DAB1: variants seen among roughly 807,000 people sequenced by gnomAD.
DAB1 encodes the protein DAB adaptor protein 1.
DAB1 carries 15 observed loss-of-function variants against 64.6 expected under a neutral mutation model. The observed-to-expected ratio is 0.23, with a 90% confidence interval of 0.16 to 0.36. The LOEUF (loss-of-function observed/expected upper bound fraction) is 0.36. DAB1 is among the 10% of genes least tolerant of loss of function. The pLI, the probability that DAB1 is intolerant of heterozygous loss-of-function variation, is 1.00. For missense variants in DAB1, 596 were observed against 706.7 expected, an observed-to-expected ratio of 0.84 and a Z score of 1.78; for synonymous variants, 235 against 251.9, an observed-to-expected ratio of 0.93 and a Z score of 0.64.
At chr1:57,293,573 G>A (rs76380981) in intron 1 of DAB1, among the ~76,000 whole-genome samples, 3,966 of 152,194 alleles carry the variant, frequency 0.026, 172 homozygotes, top group African/African-American at 0.09. Flanking sequence ...ACTTGCTCAA[G>A]GCCACCTGGC....
At chr1:57,573,488 C>T (rs941405012) in intron 7 of DAB1, among the ~76,000 whole-genome samples, 2 of 152,206 alleles carry the variant, frequency 1.3e-5, no homozygotes, top group African/African-American at 4.8e-5. Flanking sequence ...GGAGAGCAAA[C>T]TCCCAGCACC....
intron 5 of DAB1, among the ~76,000 whole-genome samples, chr1:57,913,077 G>C (rs1221035988): frequency 6.6e-6 from 1 of 152,160 alleles, no homozygotes; most frequent in Non-Finnish European, 1.5e-5. Flanking sequence ...TTTCTTCACA[G>C]AATTGGAAAA....
intron 4 of DAB1, among the ~76,000 whole-genome samples, chr1:58,220,134 T>A (rs1659080029): frequency 6.6e-6 from 1 of 152,234 alleles, no homozygotes; most frequent in South Asian, 2.1e-4. Flanking sequence ...ATTAGCTGTC[T>A]CCTGGAATGG....
At chr1:57,859,566 T>C (rs761822089) in intron 1 of DAB1, among the ~76,000 whole-genome samples, 1 of 152,178 alleles carries the variant, frequency 6.6e-6, no homozygotes, top group Non-Finnish European at 1.5e-5. Context: ...CTTGAACCTA[T>C]CTTTACTTCA....
chr1:58,165,184 T>G (rs1655761463), intron 4 of DAB1, among the ~76,000 whole-genome samples: 1 of 152,150 alleles, frequency 6.6e-6, no homozygotes, highest in African/African-American at 2.4e-5. Context: ...TGCTTTTTCT[T>G]GAAGTAAAGA....
chr1:57,897,545 G>A (rs943209371), intron 5 of DAB1, among the ~76,000 whole-genome samples: 1 of 152,114 alleles, frequency 6.6e-6, no homozygotes, highest in Non-Finnish European at 1.5e-5. Context: ...TCATGATGGA[G>A]ACCTCATATA....
intron 9 of DAB1, among the ~76,000 whole-genome samples, chr1:57,043,401 T>C (rs56082491): frequency 0.016 from 2,499 of 152,304 alleles, 58 homozygotes; most frequent in African/African-American, 0.056. Context: ...TAAGCTTTCA[T>C]GAAGAAATGC....
intron 7 of DAB1, among the ~76,000 whole-genome samples, chr1:57,468,117 CTG>C (rs1687016418): frequency 6.6e-6 from 1 of 152,214 alleles, no homozygotes; most frequent in African/African-American, 2.4e-5. Context: ...CCATGAAAGA[CTG>C]TGCGTTTCTC....
At chr1:58,121,896 A>T (rs1336349810) in intron 5 of DAB1, among the ~76,000 whole-genome samples, 2 of 152,182 alleles carry the variant, frequency 1.3e-5, no homozygotes, top group Non-Finnish European at 2.9e-5. Context: ...AAGCGAAAAG[A>T]GTTAAGTTGA....
chr1:57,578,435 T>G (rs2101546710), intron 7 of DAB1, among the ~76,000 whole-genome samples: 1 of 152,324 alleles, frequency 6.6e-6, no homozygotes, highest in African/African-American at 2.4e-5. Flanking sequence ...CTTACCTGGA[T>G]TAGATCTAAC....
chr1:57,744,956 C>T (rs756288897), intron 6 of DAB1, among the ~76,000 whole-genome samples: 24 of 152,146 alleles, frequency 1.6e-4, no homozygotes, highest in Non-Finnish European at 5.9e-5. Flanking sequence ...GAACCCTGTA[C>T]ATTTCTAAGG....
At chr1:57,132,242 A>G (rs1657706155) in intron 4 of DAB1, among the ~76,000 whole-genome samples, 1 of 152,144 alleles carries the variant, frequency 6.6e-6, no homozygotes, top group South Asian at 2.1e-4. Flanking sequence ...TACATAAAAA[A>G]TGAAATGACT....
intron 7 of DAB1, among the ~76,000 whole-genome samples, chr1:57,515,519 C>A (rs1644453681): frequency 1.3e-5 from 2 of 152,176 alleles, no homozygotes; most frequent in South Asian, 4.1e-4. Flanking sequence ...CTCAGAGCAA[C>A]AAATATTTGA....
intron 5 of DAB1, among the ~76,000 whole-genome samples, chr1:57,920,487 A>G (rs1276890976): frequency 6.6e-6 from 1 of 151,814 alleles, no homozygotes; most frequent in Non-Finnish European, 1.5e-5. Flanking sequence ...CTAATGTTTT[A>G]ATTTTCTTTT....
At chr1:58,449,781 G>A (rs1645112359) in intron 3 of DAB1, among the ~76,000 whole-genome samples, 1 of 152,174 alleles carries the variant, frequency 6.6e-6, no homozygotes, top group Non-Finnish European at 1.5e-5. Context: ...CCTCATTTAA[G>A]GCAGTTGGGG....
In DAB1 at chr1:57,302,491, C is replaced by T. The variant is rs61767396; in HGVS notation, c.-136-11325G>A. ...ACACCTCTACTTACAAGTAAGAGCA[C>T]GGTGGGCAGCTCCCGAATGGGAGCT... is the stretch of plus-strand genomic sequence containing the variant. On this transcript the variant is annotated intron_variant, in intron 1 of 14. Coordinates refer to ENST00000371236, the MANE Select transcript of DAB1 (RefSeq NM_001365792.1). Among the ~76,000 whole-genome samples the T allele has an allele frequency of 8.2e-3, 1,248 of 152,240 alleles. 31 individuals are homozygous for T. Among genetic ancestry groups the T allele is most frequent in the East Asian group, 0.08 (415 of 5,168 alleles).
At chr1:57,918,575 A>T (rs1359253152) in intron 5 of DAB1, among the ~76,000 whole-genome samples, 2 of 152,214 alleles carry the variant, frequency 1.3e-5, no homozygotes. Context: ...CTGTAATCCC[A>T]GCACTTTGGG....
At chr1:58,159,749 C>T (rs1655422842) in intron 4 of DAB1, among the ~76,000 whole-genome samples, 2 of 152,178 alleles carry the variant, frequency 1.3e-5, no homozygotes, top group Admixed American at 1.3e-4. Flanking sequence ...CTGATTCTTT[C>T]CAGCAAGACA....
chr1:57,158,296 C>T (rs1363644118), intron 2 of DAB1, among the ~76,000 whole-genome samples: 2 of 152,016 alleles, frequency 1.3e-5, no homozygotes, highest in Non-Finnish European at 2.9e-5. Flanking sequence ...AAGGAATGGT[C>T]CCAGCTGTTT....
Sources: gnomAD v4.1 joint callset for allele counts (sites outside exome capture counted in the v4.1 genomes callset) on GRCh38, gnomAD v4.1.1 for gene constraint, MANE v1.5 for transcripts, NCBI Gene and HGNC (gene_info 2026-07-23, HGNC 2026-07-21) for gene names.